PTK2B: variants seen among roughly 807,000 people sequenced by gnomAD.
PTK2B encodes the protein protein-tyrosine kinase 2-beta.
PTK2B carries 71 observed loss-of-function variants against 142.9 expected under a neutral mutation model. That is an observed-to-expected ratio of 0.50 (90% confidence interval 0.41 to 0.61). The LOEUF is 0.61. Ranked by LOEUF, PTK2B falls within the 20% of genes least tolerant of loss-of-function variation. The probability of loss-of-function intolerance (pLI) is 0.00; values close to 1 mark genes in which losing one functional copy is unlikely to be tolerated. For missense variants in PTK2B, 1,105 were observed against 1,320.4 expected, an observed-to-expected ratio of 0.84 and a Z score of 2.53; for synonymous variants, 519 against 503.4, an observed-to-expected ratio of 1.03 and a Z score of -0.42.
chr8:27,384,860 T>C (rs1326446787), intron 1 of PTK2B, among the ~76,000 whole-genome samples: 1 of 151,982 alleles, frequency 6.6e-6, no homozygotes, highest in Non-Finnish European at 1.5e-5. Context: ...CTGTCTGAGG[T>C]TGTTTCTCAT....
At chr8:27,349,957 T>TC (rs1804946547) in intron 1 of PTK2B, among the ~76,000 whole-genome samples, 2 of 152,190 alleles carry the variant, frequency 1.3e-5, no homozygotes, top group Admixed American at 6.5e-5. Context: ...GTTCACAGGG[T>TC]CCCCTTGACC....
intron 1 of PTK2B, among the ~76,000 whole-genome samples, chr8:27,334,420 A>T (rs1382512717): frequency 6.6e-6 from 1 of 152,094 alleles, no homozygotes; most frequent in East Asian, 1.9e-4. Context: ...TCTGTTTGGA[A>T]TGCCAGCCCC....
intron 1 of PTK2B, among the ~76,000 whole-genome samples, chr8:27,380,997 T>C (rs931043151): frequency 6.6e-6 from 1 of 152,228 alleles, no homozygotes; most frequent in Non-Finnish European, 1.5e-5. Flanking sequence ...TACCTAAGTA[T>C]GCTGTATTAG....
At chr8:27,315,485 T>TC (rs989365786) in intron 3 of PTK2B, among the ~76,000 whole-genome samples, 5 of 152,014 alleles carry the variant, frequency 3.3e-5, no homozygotes, top group Admixed American at 1.3e-4. Flanking sequence ...CCCTCTCCCC[T>TC]CCCCCCAACG....
chr8:27,440,183 G>C, intron 20 of PTK2B, 54 bp from the exon 21 acceptor site: 1 of 1,558,308 alleles, frequency 6.4e-7, no homozygotes, highest in South Asian at 1.1e-5. Flanking sequence ...GGTGCTTCTG[G>C]GTGGGAGGGA....
chr8:27,430,043 T>A (rs1563279065), intron 5 of PTK2B, 50 bp from the exon 6 acceptor site: 1 of 1,547,950 alleles, frequency 6.5e-7, no homozygotes, highest in East Asian at 2.2e-5. Context: ...TGGGTCTGAC[T>A]GCCTCATTCT....
In PTK2B at chr8:27,420,011, A is replaced by G. The variant is rs375569512; in HGVS notation, c.321A>G (p.Pro107=). ...CCGATGAGATCCACTGGCTGCACCC[A>G]CAGATGACGGTGGGTGAGGTGCAGG... ...MKSDEIHWLH[P]QMTVGEVQDK... is the part of the protein sequence containing the mutation. Residue 107 remains proline, a synonymous_variant, in exon 3 of 31, where the codon CCA becomes CCG. Transcript: ENST00000346049. 2.4e-4 allele frequency: 384 copies of G among 1,614,032 alleles called. No individual in the cohort carries two copies. The highest frequency in any genetic ancestry group is 3.1e-4 in the Non-Finnish European group (361 of 1,180,034).
At chr8:27,406,863 C>T (rs1187955317) in intron 2 of PTK2B, among the ~76,000 whole-genome samples, 1 of 152,184 alleles carries the variant, frequency 6.6e-6, no homozygotes, top group Non-Finnish European at 1.5e-5. Flanking sequence ...GCGACACCTG[C>T]CCCTCCTGCT....
At position 27,329,661 on chromosome 8, in the gene PTK2B, AAG is replaced by A. The variant is rs547624040; in HGVS notation, c.-38+3983_-38+3984del. Among the ~76,000 whole-genome samples, 329 of 152,168 alleles carry A rather than the reference AAG, an allele frequency of 2.2e-3. 1 individual carries two copies. The highest frequency in any genetic ancestry group is 7.6e-3 in the African/African-American group (315 of 41,512). ...GATAAGTTTTGCTGGCTTGAGGATG[AAG>A]AGTTTCCTTGTAGAGTACGGGTCAG... On this transcript the variant is annotated intron_variant, in intron 1 of 30. Coordinates refer to ENST00000346049, the MANE Select transcript of PTK2B (RefSeq NM_173176.3).
intron 5 of PTK2B, among the ~76,000 whole-genome samples, chr8:27,426,826 C>T (rs1041193856): frequency 6.6e-6 from 1 of 152,184 alleles, no homozygotes; most frequent in Admixed American, 6.5e-5. Context: ...TTCACTACCA[C>T]CTTGATCATG....
chr8:27,353,748 G>T (rs748864648), intron 1 of PTK2B, among the ~76,000 whole-genome samples: 1 of 152,246 alleles, frequency 6.6e-6, no homozygotes, highest in South Asian at 2.1e-4. Context: ...TGCCAACTCC[G>T]TAAACCTTAT....
intron 1 of PTK2B, among the ~76,000 whole-genome samples, chr8:27,361,950 G>T (rs965227159): frequency 6.6e-6 from 1 of 152,176 alleles, no homozygotes; most frequent in Non-Finnish European, 1.5e-5. Flanking sequence ...CCTGCCCCGT[G>T]TGCCAGACAA....
At chr8:27,430,823 A>AGT in intron 7 of PTK2B, 53 bp from the exon 8 acceptor site, 1 of 1,592,828 alleles carries the variant, frequency 6.3e-7, no homozygotes, top group South Asian at 1.1e-5. Context: ...TAAGGGAAGG[A>AGT]GTGAGACCTG....
rs372359985 is a variant in PTK2B at position 27,424,217 on chromosome 8, CACTT to C, written c.551+1836_551+1839del. On this transcript the variant is annotated intron_variant, in intron 5 of 30. Coordinates refer to ENST00000346049, the MANE Select transcript of PTK2B (RefSeq NM_173176.3). ...CACTTGTCACCTGTCAAGCAGTCAT[CACTT>C]AGTTGTAAAACAGCACCACAAAGAC... Among the ~76,000 whole-genome samples the C allele has an allele frequency of 6.6e-3, 1,000 of 152,298 alleles. 10 individuals are homozygous for C. Among genetic ancestry groups the C allele is most frequent in the African/African-American group, 0.023 (949 of 41,560 alleles).
intron 1 of PTK2B, among the ~76,000 whole-genome samples, chr8:27,376,809 C>T (rs1016890923): frequency 6.6e-6 from 1 of 152,188 alleles, no homozygotes; most frequent in Non-Finnish European, 1.5e-5. Flanking sequence ...CTTTGTTTAG[C>T]ATGTCATCAA....
intron 1 of PTK2B, among the ~76,000 whole-genome samples, chr8:27,382,492 A>G (rs952676503): frequency 5.9e-5 from 9 of 151,868 alleles, no homozygotes; most frequent in African/African-American, 7.3e-5. Context: ...AGGTCAAGAC[A>G]GGAGGATTGC....
rs1370570218 is a variant in PTK2B, at chr8:27,454,551, G to C, written c.2754G>C (p.Arg918=). 7.4e-6 allele frequency: 12 copies of C among 1,614,208 alleles called. No individual in the cohort carries two copies. In the South Asian group the frequency reaches 1.2e-4, roughly 16 times the overall value. ...CCCAGAATGTGGGGCTGACCCTGCGGAAGCTCATCGGGAGCGTGGATGATC... is the reference window on the plus strand; with the variant it reads ...CCCAGAATGTGGGGCTGACCCTGCGCAAGCTCATCGGGAGCGTGGATGATC... ...VVVKNVGLTL[R]KLIGSVDDLL... is the part of the protein sequence containing the mutation. The change falls in exon 30 of 31, where the codon CGG becomes CGC. Residue 918 remains arginine, a synonymous_variant. Transcript: ENST00000346049.
chr8:27,457,916 A>G (rs1214189479), intron 30 of PTK2B, among the ~76,000 whole-genome samples: 1 of 148,816 alleles, frequency 6.7e-6, no homozygotes, highest in Admixed American at 6.8e-5. Flanking sequence ...CGGGCATTGC[A>G]GTGAGTTGAA....
intron 7 of PTK2B, 151 bp downstream of exon 7, chr8:27,430,569 T>C: frequency 9.3e-7 from 1 of 1,078,136 alleles, no homozygotes; most frequent in Non-Finnish European, 1.4e-6. Context: ...TACCCAGGGG[T>C]CCTCTCTGGG....
Sources: gnomAD v4.1 joint callset for allele counts (sites outside exome capture counted in the v4.1 genomes callset) on GRCh38, gnomAD v4.1.1 for gene constraint, MANE v1.5 for transcripts, NCBI Gene and HGNC (gene_info 2026-07-23, HGNC 2026-07-21) for gene names.